GRHL2: variants seen among roughly 807,000 people sequenced by gnomAD.
GRHL2 encodes grainyhead like transcription factor 2, also known as grainyhead-like protein 2 homolog.
Under a neutral mutation model 83.8 loss-of-function variants are expected in GRHL2, and 21 were observed. That is an observed-to-expected ratio of 0.25 (90% confidence interval 0.18 to 0.36). GRHL2 has a LOEUF of 0.36. Ranked by LOEUF, GRHL2 falls within the 10% of genes least tolerant of loss-of-function variation. The probability of loss-of-function intolerance (pLI) is 1.00; values close to 1 mark genes in which losing one functional copy is unlikely to be tolerated. For missense variants in GRHL2, 623 were observed against 781.8 expected, an observed-to-expected ratio of 0.80 and a Z score of 2.42; for synonymous variants, 280 against 278.9, an observed-to-expected ratio of 1.00 and a Z score of -0.04.
In GRHL2 at chr8:101,502,376, A is replaced by G. The variant is rs79175233; in HGVS notation, c.20+9587A>G. Among the ~76,000 whole-genome samples the G allele has an allele frequency of 7.8e-3, 1,190 of 152,238 alleles. 41 individuals carry two copies. In the East Asian group the frequency reaches 0.097, roughly 12 times the overall value. On this transcript the variant is annotated intron_variant, in intron 1 of 15. Transcript: ENST00000646743. ...CACAGTGGGACCTGCTTCTGCTCCC[A>G]AGCCCCCTCACCTCCTTCACCAAAA...
chr8:101,585,326 T>A (rs1323994859), intron 7 of GRHL2, among the ~76,000 whole-genome samples: 1 of 152,236 alleles, frequency 6.6e-6, no homozygotes, highest in Non-Finnish European at 1.5e-5. Flanking sequence ...TTTCATTTTT[T>A]GATGTTTTTC....
At chr8:101,535,074 A>G (rs1811015435) in intron 1 of GRHL2, among the ~76,000 whole-genome samples, 1 of 152,208 alleles carries the variant, frequency 6.6e-6, no homozygotes, top group Non-Finnish European at 1.5e-5. Flanking sequence ...CACTTGTTCT[A>G]TGTGATAGGG....
intron 9 of GRHL2, 114 bp downstream of exon 9, chr8:101,619,811 A>T: frequency 1.3e-6 from 1 of 784,074 alleles, no homozygotes; most frequent in Non-Finnish European, 2.1e-6. Flanking sequence ...TATTCACTTT[A>T]CTCATCACAG....
chr8:101,535,197 T>C (rs988387969), intron 1 of GRHL2, among the ~76,000 whole-genome samples: 1 of 152,218 alleles, frequency 6.6e-6, no homozygotes, highest in Non-Finnish European at 1.5e-5. Flanking sequence ...CCTTTGTGTG[T>C]GTTAACATTT....
Position 101,573,835 on chromosome 8 carries a change from C to T in GRHL2, c.891+11C>T. 1 of 1,614,050 alleles carries T rather than the reference C, an allele frequency of 6.2e-7. No homozygotes were observed. Among genetic ancestry groups the T allele is most frequent in the Non-Finnish European group, 8.5e-7 (1 of 1,179,954 alleles). ...ATCAGCAAAGTCAGGGTAGGGGCCACATTTCTCAGATAAAGTACAAAGGAA... is the reference window on the plus strand; with the variant it reads ...ATCAGCAAAGTCAGGGTAGGGGCCATATTTCTCAGATAAAGTACAAAGGAA... On this transcript the variant is annotated intron_variant, in intron 6 of 15. Transcript: ENST00000646743.
intron 8 of GRHL2, among the ~76,000 whole-genome samples, chr8:101,614,414 T>C (rs1275783146): frequency 2.0e-5 from 3 of 151,160 alleles, no homozygotes; most frequent in Admixed American, 2.0e-4. Context: ...AATTGTGTGC[T>C]ATTAGCATTA....
At chr8:101,663,639 A>AATT (rs1563633240) in intron 14 of GRHL2, among the ~76,000 whole-genome samples, 1 of 124,804 alleles carries the variant, frequency 8.0e-6, no homozygotes, top group African/African-American at 3.0e-5. Context: ...ATAAATAAAT[A>AATT]AATAAAAATA....
intron 1 of GRHL2, among the ~76,000 whole-genome samples, chr8:101,524,941 T>C (rs1810773248): frequency 7.2e-6 from 1 of 138,556 alleles, no homozygotes; most frequent in Non-Finnish European, 1.6e-5. Context: ...GTTGCATTGA[T>C]CAACATATCT....
the GRHL2 span, among the ~76,000 whole-genome samples, chr8:101,678,732 T>C: frequency 1.3e-5 from 2 of 152,038 alleles, no homozygotes; most frequent in Admixed American, 6.5e-5. Flanking sequence ...CAGCTGGAGA[T>C]CTGAGAACGG....
rs371626029 is a variant in GRHL2, at chr8:101,627,822, G to C, written c.1258-3815G>C. ...CTGCTGTTGTGGAGAAAGTTTTAGT[G>C]GTCTGGATAGAAGATTAAACCAGCC... On this transcript the variant is annotated intron_variant, in intron 9 of 15. Transcript: ENST00000646743. 4.6e-5 allele frequency among the ~76,000 whole-genome samples: 7 copies of C among 152,218 alleles called. No homozygotes were observed. In the East Asian group the frequency reaches 7.7e-4, roughly 17 times the overall value.
chr8:101,650,300 T>C, intron 14 of GRHL2, among the ~76,000 whole-genome samples: 1 of 152,232 alleles, frequency 6.6e-6, no homozygotes, highest in Admixed American at 6.5e-5. Context: ...TTTCTTTCAT[T>C]TGGGATACTC....
chr8:101,597,225 G>C (rs1182381076), intron 7 of GRHL2, among the ~76,000 whole-genome samples: 1 of 152,142 alleles, frequency 6.6e-6, no homozygotes, highest in Admixed American at 6.5e-5. Context: ...GCTCCCAGGA[G>C]TATGAATTTT....
intron 9 of GRHL2, among the ~76,000 whole-genome samples, chr8:101,622,818 T>A (rs1812992076): frequency 6.6e-6 from 1 of 152,194 alleles, no homozygotes; most frequent in African/African-American, 2.4e-5. Flanking sequence ...ATATTTGTAG[T>A]CTTTTATCCC....
At chr8:101,654,096 AGG>A (rs1813734284) in intron 14 of GRHL2, among the ~76,000 whole-genome samples, 1 of 152,194 alleles carries the variant, frequency 6.6e-6, no homozygotes, top group Non-Finnish European at 1.5e-5. Context: ...GCCTGGGTCT[AGG>A]CTACCACCTT....
chr8:101,522,196 C>T (rs187852437), intron 1 of GRHL2, among the ~76,000 whole-genome samples: 2 of 152,048 alleles, frequency 1.3e-5, no homozygotes, highest in Non-Finnish European at 2.9e-5. Context: ...GATTAACCAA[C>T]AGTATGCAGT....
At chr8:101,649,333 G>A (rs1395748883) in intron 13 of GRHL2, 81 bp from the exon 14 acceptor site, 5 of 1,116,714 alleles carry the variant, frequency 4.5e-6, no homozygotes, top group Non-Finnish European at 6.8e-6. Flanking sequence ...CAACACCTGT[G>A]TGACAGGAAA....
rs1319656297 is a variant in GRHL2 at position 101,510,118 on chromosome 8, G to GTAGC, written c.20+17331_20+17334dup. Among the ~76,000 whole-genome samples, 4 of 152,066 alleles carry GTAGC rather than the reference G, an allele frequency of 2.6e-5. No homozygotes were observed. The East Asian group carries it at 7.7e-4, about 29-fold the overall frequency. Reference sequence around the variant, plus strand: ...TGATCTTCCCACCTCAACCTCTTGAGTAGCTGTAGCTGGAACTACAGGCTC... The same window carrying GTAGC: ...TGATCTTCCCACCTCAACCTCTTGAGTAGCTAGCTGTAGCTGGAACTACAGGCTC... On this transcript the variant is annotated intron_variant, in intron 1 of 15. Coordinates refer to ENST00000646743, the MANE Select transcript of GRHL2 (RefSeq NM_024915.4).
Position 101,619,519 on chromosome 8 carries a change from T to G in GRHL2, c.1099-20T>G, listed in dbSNP as rs1053749408. ...TCTTTTTATGTTGACTTGTGAACTT[T>G]TTCTTTCTCTTTCCCTCAGATTTTC... On this transcript the variant is annotated intron_variant, in intron 8 of 15. Coordinates refer to ENST00000646743, the MANE Select transcript of GRHL2 (RefSeq NM_024915.4). 1.9e-6 allele frequency: 3 copies of G among 1,613,026 alleles called. No individual in the cohort carries two copies. Among genetic ancestry groups the G allele is most frequent in the Non-Finnish European group, 2.5e-6 (3 of 1,179,372 alleles).
intron 7 of GRHL2, among the ~76,000 whole-genome samples, chr8:101,590,014 GAAT>G (rs1053379443): frequency 6.6e-6 from 1 of 151,946 alleles, no homozygotes; most frequent in African/African-American, 2.4e-5. Context: ...TATGAGGTGG[GAAT>G]AATAATAATA....
Sources: gnomAD v4.1 joint callset for allele counts (sites outside exome capture counted in the v4.1 genomes callset) on GRCh38, gnomAD v4.1.1 for gene constraint, MANE v1.5 for transcripts, NCBI Gene and HGNC (gene_info 2026-07-23, HGNC 2026-07-21) for gene names.